CHRM2: variants seen among roughly 807,000 people sequenced by gnomAD.
CHRM2 encodes the protein muscarinic acetylcholine receptor M2.
Under a neutral mutation model 25.0 loss-of-function variants are expected in CHRM2, and 8 were observed. The ratio of observed to expected loss-of-function variants is 0.32; its 90% confidence interval spans 0.19 to 0.58. CHRM2 has a LOEUF of 0.58. Ranked by LOEUF, CHRM2 falls within the 20% of genes least tolerant of loss-of-function variation. CHRM2 has a pLI of 0.88. For missense variants in CHRM2, 440 were observed against 567.1 expected (o/e 0.78, Z 2.28); for synonymous variants, 202 against 205.7 (o/e 0.98, Z 0.15).
At chr7:136,918,356 C>A (rs1454938118) in intron 2 of CHRM2, among the ~76,000 whole-genome samples, 2 of 151,984 alleles carry the variant, frequency 1.3e-5, no homozygotes, top group Non-Finnish European at 2.9e-5. Context: ...TAGTTACTAA[C>A]AACTAGTATT....
chr7:136,997,729 T>C (rs555531925), intron 3 of CHRM2, among the ~76,000 whole-genome samples: 1 of 152,306 alleles, frequency 6.6e-6, no homozygotes, highest in African/African-American at 2.4e-5. Flanking sequence ...CCAGTGGAAA[T>C]TGTCAGAATA....
intron 2 of CHRM2, among the ~76,000 whole-genome samples, chr7:136,955,666 G>A (rs866852901): frequency 6.6e-6 from 1 of 152,142 alleles, no homozygotes; most frequent in South Asian, 2.1e-4. Context: ...ATACTAGGAC[G>A]TATGGTCATT....
chr7:136,955,320 A>C (rs1800659523), intron 2 of CHRM2, among the ~76,000 whole-genome samples: 1 of 152,162 alleles, frequency 6.6e-6, no homozygotes, highest in Non-Finnish European at 1.5e-5. Flanking sequence ...TATGAGTGAA[A>C]ATGGCACCTT....
intron 2 of CHRM2, among the ~76,000 whole-genome samples, chr7:136,931,700 T>C (rs934276361): frequency 2.0e-5 from 3 of 152,196 alleles, no homozygotes; most frequent in African/African-American, 4.8e-5. Flanking sequence ...TGACCTGCCA[T>C]ACACTGTCCA....
intron 2 of CHRM2, among the ~76,000 whole-genome samples, chr7:136,878,737 C>G (rs1219937634): frequency 6.6e-6 from 1 of 151,852 alleles, no homozygotes; most frequent in Non-Finnish European, 1.5e-5. Context: ...AATCTTGAAA[C>G]CTTGGCTTGT....
intron 2 of CHRM2, among the ~76,000 whole-genome samples, chr7:136,932,454 C>T (rs1038829141): frequency 1.3e-5 from 2 of 152,166 alleles, no homozygotes; most frequent in Non-Finnish European, 2.9e-5. Context: ...CTTTTCTAGT[C>T]AGACAGAATA....
intron 3 of CHRM2, among the ~76,000 whole-genome samples, chr7:136,995,125 T>C (rs1038594865): frequency 3.3e-5 from 5 of 152,286 alleles, no homozygotes; most frequent in African/African-American, 1.2e-4. Flanking sequence ...ACACATTGTA[T>C]AGAAGTAGTC....
chr7:136,936,228 C>T (rs1459228104), intron 2 of CHRM2, among the ~76,000 whole-genome samples: 1 of 152,154 alleles, frequency 6.6e-6, no homozygotes, highest in Non-Finnish European at 1.5e-5. Context: ...CTCCTAACAT[C>T]AAGCAAGTGG....
At chr7:137,001,416 T>C (rs1005555166) in intron 3 of CHRM2, among the ~76,000 whole-genome samples, 10 of 152,142 alleles carry the variant, frequency 6.6e-5, no homozygotes, top group South Asian at 6.2e-4. Flanking sequence ...AGGCAAGCTG[T>C]TCATAAGTTA....
At chr7:136,877,323 A>C (rs1356910679) in intron 2 of CHRM2, among the ~76,000 whole-genome samples, 1 of 152,084 alleles carries the variant, frequency 6.6e-6, no homozygotes, top group Non-Finnish European at 1.5e-5. Context: ...CTGTGTGTTT[A>C]GATGGGACAC....
At chr7:137,007,954 C>T (rs1413021730) in intron 3 of CHRM2, among the ~76,000 whole-genome samples, 3 of 151,964 alleles carry the variant, frequency 2.0e-5, no homozygotes, top group African/African-American at 4.8e-5. Context: ...ATAACATAAT[C>T]TCAAAGCCTA....
chr7:136,880,626 T>C lies in CHRM2; in HGVS notation c.-125+11208T>C, dbSNP rs1365610378. ...AAGAATTTTTTTCTTGCTGCAATAG[T>C]TTTTTTAATAGACTTTATTTATTAG... On this transcript the variant is annotated intron_variant, in intron 2 of 3. Coordinates refer to ENST00000680005, the MANE Select transcript of CHRM2 (RefSeq NM_001006630.2). Among the ~76,000 whole-genome samples the C allele has an allele frequency of 2.0e-5, 3 of 151,930 alleles. No individual in the cohort carries two copies. In the East Asian group the frequency reaches 5.8e-4, roughly 29 times the overall value.
intron 2 of CHRM2, among the ~76,000 whole-genome samples, chr7:136,968,576 C>T (rs901068396): frequency 2.6e-5 from 4 of 151,576 alleles, no homozygotes. Flanking sequence ...TATCTGCACT[C>T]CAATGTTCAT....
At chr7:136,997,162 T>C (rs1803660913) in intron 3 of CHRM2, among the ~76,000 whole-genome samples, 1 of 152,210 alleles carries the variant, frequency 6.6e-6, no homozygotes, top group African/African-American at 2.4e-5. Flanking sequence ...CATTGATATA[T>C]ACAATGTAAT....
intron 2 of CHRM2, among the ~76,000 whole-genome samples, chr7:136,967,215 A>G (rs1012381206): frequency 1.5e-4 from 23 of 152,090 alleles, no homozygotes; most frequent in African/African-American, 5.3e-4. Flanking sequence ...GGCAGCTCAA[A>G]CCTGATTGAG....
At chr7:136,997,619 C>G (rs1357996607) in intron 3 of CHRM2, among the ~76,000 whole-genome samples, 1 of 152,172 alleles carries the variant, frequency 6.6e-6, no homozygotes, top group Non-Finnish European at 1.5e-5. Flanking sequence ...ATGCACCTGT[C>G]ATTGGCAATG....
intron 2 of CHRM2, among the ~76,000 whole-genome samples, chr7:136,916,630 AATTT>A (rs1413800659): frequency 6.6e-6 from 1 of 150,684 alleles, no homozygotes; most frequent in Non-Finnish European, 1.5e-5. Flanking sequence ...TTTATCCTTG[AATTT>A]GTTTATTAAC....
intron 2 of CHRM2, among the ~76,000 whole-genome samples, chr7:136,876,733 T>G (rs1584684020): frequency 6.6e-6 from 1 of 152,200 alleles, no homozygotes; most frequent in East Asian, 1.9e-4. Flanking sequence ...CTGTATTTAT[T>G]GGGCTCAGAA....
intron 2 of CHRM2, among the ~76,000 whole-genome samples, chr7:136,926,920 G>A (rs1265395136): frequency 1.3e-5 from 2 of 152,198 alleles, no homozygotes. Flanking sequence ...AGCATATTCA[G>A]TGGATCCCCT....
Sources: allele counts gnomAD v4.1 joint callset (sites outside exome capture counted in the v4.1 genomes callset), GRCh38; gene constraint gnomAD v4.1.1; transcripts MANE v1.5; gene names NCBI Gene and HGNC (gene_info 2026-07-23, HGNC 2026-07-21).